The following PLEKHH2 variants were observed in gnomAD, a reference collection of about 807,000 sequenced individuals.
PLEKHH2 encodes the protein pleckstrin homology domain-containing family H member 2.
PLEKHH2 carries 129 observed loss-of-function variants against 187.9 expected under a neutral mutation model. The ratio of observed to expected loss-of-function variants is 0.69; its 90% CI spans 0.59 to 0.79. The LOEUF (loss-of-function observed/expected upper bound fraction) is 0.79, where lower values mean the gene tolerates loss of function less well. Ranked by LOEUF, PLEKHH2 falls within the 30% of genes least tolerant of loss-of-function variation. The pLI is 0.00. For synonymous variants in PLEKHH2, 686 were observed against 605.6 expected (o/e 1.13, Z -1.95); for missense variants, 2,076 against 1,751.2 (o/e 1.19, Z -3.31).
intron 23 of PLEKHH2, 146 bp downstream of exon 23, chr2:43,744,135 T>G: frequency 7.2e-7 from 1 of 1,398,370 alleles, no homozygotes; most frequent in Non-Finnish European, 9.3e-7. Context: ...AAAAAAAAAA[T>G]GCAGGACTTT....
chr2:43,720,279 TC>T (rs1670419049), intron 15 of PLEKHH2, among the ~76,000 whole-genome samples: 1 of 92,254 alleles, frequency 1.1e-5, no homozygotes, highest in African/African-American at 6.3e-5. Context: ...AACAGGTAAA[TC>T]TTTTTTTTTT....
At chr2:43,643,562 A>G (rs998041511) in intron 1 of PLEKHH2, among the ~76,000 whole-genome samples, 2 of 152,064 alleles carry the variant, frequency 1.3e-5, no homozygotes, top group African/African-American at 4.8e-5. Flanking sequence ...ATATTACGCT[A>G]AATACTGGGA....
intron 2 of PLEKHH2, among the ~76,000 whole-genome samples, chr2:43,656,582 C>T (rs1218931296): frequency 6.6e-6 from 1 of 152,220 alleles, no homozygotes; most frequent in Admixed American, 6.5e-5. Flanking sequence ...ACAGGCTAAC[C>T]TTGGGGTTTA....
At chr2:43,647,888 G>C (rs561440433) in intron 2 of PLEKHH2, among the ~76,000 whole-genome samples, 1 of 152,090 alleles carries the variant, frequency 6.6e-6, no homozygotes, top group Non-Finnish European at 1.5e-5. Context: ...CATTTTATTA[G>C]TTATGGCTAT....
chr2:43,666,539 A>T (rs1667226135), intron 2 of PLEKHH2, among the ~76,000 whole-genome samples: 1 of 152,216 alleles, frequency 6.6e-6, no homozygotes, highest in Non-Finnish European at 1.5e-5. Context: ...AACTGTTTCT[A>T]AGGAGACTGT....
chr2:43,670,348 AT>A (rs1407753529), intron 2 of PLEKHH2, among the ~76,000 whole-genome samples: 1 of 152,210 alleles, frequency 6.6e-6, no homozygotes, highest in Non-Finnish European at 1.5e-5. Context: ...AACTCAGAAA[AT>A]ATTGTTCCCA....
At chr2:43,734,091 C>A (rs1388286001) in intron 19 of PLEKHH2, among the ~76,000 whole-genome samples, 3 of 152,064 alleles carry the variant, frequency 2.0e-5, no homozygotes, top group East Asian at 1.9e-4. Flanking sequence ...TCAATTTTTT[C>A]TTTTACTTTT....
intron 3 of PLEKHH2, among the ~76,000 whole-genome samples, chr2:43,684,407 T>C (rs1045207910): frequency 1.3e-5 from 2 of 152,256 alleles, no homozygotes; most frequent in African/African-American, 4.8e-5. Context: ...GAGAAAAAAA[T>C]TGAGGATGGT....
Position 43,740,943 on chromosome 2 carries a change from C to A in PLEKHH2, c.3124-3C>A. The A allele has an allele frequency of 6.2e-7, 1 of 1,613,370 alleles. No homozygotes were observed. The highest frequency in any genetic ancestry group is 8.5e-7 in the Non-Finnish European group (1 of 1,179,650). ...CTAACCTGTGGTGCTTCTCCCTGCC[C>A]AGGGCTGGCAGCTCTTGGCACTCTG... On this transcript the variant is annotated splice_polypyrimidine_tract_variant and splice_region_variant and intron_variant, in intron 20 of 29. Coordinates refer to ENST00000282406, the MANE Select transcript of PLEKHH2 (RefSeq NM_172069.4).
At chr2:43,687,866 G>T (rs943461940) in intron 3 of PLEKHH2, among the ~76,000 whole-genome samples, 1 of 151,680 alleles carries the variant, frequency 6.6e-6, no homozygotes, top group Non-Finnish European at 1.5e-5. Context: ...GCATGATCAT[G>T]GCTCTCTGCA....
chr2:43,731,385 T>C, intron 18 of PLEKHH2, 105 bp from the exon 19 acceptor site: 1 of 748,086 alleles, frequency 1.3e-6, no homozygotes, highest in Non-Finnish European at 2.2e-6. Flanking sequence ...TGACTTAAAG[T>C]TGTGAGCCAA....
At chr2:43,668,877 G>A (rs1213338154) in intron 2 of PLEKHH2, among the ~76,000 whole-genome samples, 4 of 152,166 alleles carry the variant, frequency 2.6e-5, no homozygotes, top group Non-Finnish European at 5.9e-5. Context: ...GAGTTAATTA[G>A]CTTTGAGTCT....
intron 8 of PLEKHH2, among the ~76,000 whole-genome samples, chr2:43,703,412 A>G (rs1669486052): frequency 6.6e-6 from 1 of 152,264 alleles, no homozygotes; most frequent in South Asian, 2.1e-4. Flanking sequence ...GTTTGACTTT[A>G]GGTATCTCTT....
intron 9 of PLEKHH2, among the ~76,000 whole-genome samples, chr2:43,704,544 C>T (rs976055405): frequency 2.6e-5 from 4 of 151,422 alleles, no homozygotes; most frequent in Admixed American, 6.6e-5. Flanking sequence ...GCGCCCATAG[C>T]CCCAGCTACT....
chr2:43,666,714 C>A (rs956874632), intron 2 of PLEKHH2, among the ~76,000 whole-genome samples: 4 of 152,124 alleles, frequency 2.6e-5, no homozygotes, highest in African/African-American at 4.8e-5. Context: ...ATGATGTTGA[C>A]CATCTTTTTA....
chr2:43,751,926 C>CTCTTTTTT (rs1672026604), intron 24 of PLEKHH2, among the ~76,000 whole-genome samples: 2 of 139,872 alleles, frequency 1.4e-5, no homozygotes, highest in African/African-American at 5.3e-5. Context: ...CTCTCTCTCT[C>CTCTTTTTT]TTTTTTTTTT....
intron 24 of PLEKHH2, among the ~76,000 whole-genome samples, chr2:43,749,717 C>T (rs1209424266): frequency 6.6e-6 from 1 of 152,172 alleles, no homozygotes; most frequent in East Asian, 1.9e-4. Context: ...CCGTGCTTTG[C>T]CGGTGTTTAT....
In PLEKHH2 at chr2:43,743,951, G is replaced by A. The variant is rs1316184732; in HGVS notation, c.3517G>A (p.Gly1173Ser). Residue 1173 changes from glycine (G) to serine (S), a missense_variant, in exon 23 of 30, where the codon GGC becomes AGC. Transcript: ENST00000282406. ...TGCGTTGTTCACTGACGATCCTTCT[G>A]GCAGAGATTTAGAGCATTGTCTTCA... ...GFALFTDDPS[G>S]RDLEHCLQGN... is the part of the protein sequence containing the mutation. 6.2e-7 allele frequency: 1 copy of A among 1,614,040 alleles called. No individual in the cohort carries two copies. Among genetic ancestry groups the A allele is most frequent in the Middle Eastern group, 1.6e-4 (1 of 6,062 alleles).
chr2:43,741,178 G>A (rs1319461979), intron 21 of PLEKHH2, 135 bp downstream of exon 21: 19 of 696,008 alleles, frequency 2.7e-5, no homozygotes, highest in Admixed American at 1.1e-4. Context: ...GAAGCCTTTG[G>A]TTATCATTGA....
Sources: gnomAD v4.1 joint callset for allele counts (sites outside exome capture counted in the v4.1 genomes callset) on GRCh38, gnomAD v4.1.1 for gene constraint, MANE v1.5 for transcripts, NCBI Gene and HGNC (gene_info 2026-07-23, HGNC 2026-07-21) for gene names.